Variants in STAT3 observed in about 807,000 individuals in gnomAD.
STAT3 encodes the protein DNA-binding protein APRF.
STAT3 carries 7 observed loss-of-function variants against 114.3 expected under a neutral mutation model. That is an observed-to-expected ratio of 0.06 (90% CI 0.03 to 0.11). The LOEUF (loss-of-function observed/expected upper bound fraction) is 0.11, where lower values mean the gene tolerates loss of function less well. Among genes scored for constraint, STAT3 ranks in the 10% least tolerant of loss-of-function variants. STAT3 has a pLI of 1.00. For synonymous variants in STAT3, 331 were observed against 354.5 expected (o/e 0.93, Z 0.74); for missense variants, 364 against 960.9 (o/e 0.38, Z 8.21).
At chr17:42,348,615 C>G in intron 1 of STAT3, 76 bp from the exon 2 acceptor site, 1 of 1,553,610 alleles carries the variant, frequency 6.4e-7, no homozygotes, top group Non-Finnish European at 8.8e-7. Flanking sequence ...CATTGCCCAA[C>G]ACAGGTGTCA....
intron 5 of STAT3, 113 bp downstream of exon 5, chr17:42,339,201 A>G (rs1598426076): frequency 3.0e-6 from 3 of 1,008,912 alleles, no homozygotes. Context: ...GGCTGCAGTG[A>G]GCTGTGATCA....
rs751111808 is a variant in STAT3 at position 42,333,365 on chromosome 17, G to C, written c.1049+308C>G. Among the ~76,000 whole-genome samples, 4 of 152,202 alleles carry C rather than the reference G, an allele frequency of 2.6e-5. No individual in the cohort carries two copies. The highest frequency in any genetic ancestry group is 6.5e-5 in the Admixed American group (1 of 15,270). ...CCCTTAAAATCCACAGGGAAGAGTA[G>C]CCTCAAAGAACAGAAAATAGATGAC... is the stretch of plus-strand genomic sequence containing the variant. On this transcript the variant is annotated intron_variant, in intron 10 of 23. Coordinates refer to ENST00000264657, the MANE Select transcript of STAT3 (RefSeq NM_139276.3). The surrounding 1 kb of genome is among the most constrained non-coding windows in gnomAD (Gnocchi z 5.2).
At chr17:42,356,552 T>A (rs1259146964) in intron 1 of STAT3, among the ~76,000 whole-genome samples, 2 of 150,142 alleles carry the variant, frequency 1.3e-5, no homozygotes, top group Admixed American at 1.3e-4. Flanking sequence ...TTTTTTTTTT[T>A]ACATTGGAGT....
chr17:42,340,778 G>T (rs1176210372), intron 4 of STAT3, among the ~76,000 whole-genome samples: 1 of 152,178 alleles, frequency 6.6e-6, no homozygotes, highest in Non-Finnish European at 1.5e-5. Context: ...AAGATGGAGA[G>T]AAAGACTCTG....
intron 13 of STAT3, 42 bp downstream of exon 13, chr17:42,329,512 G>A (rs1016479528): frequency 1.5e-5 from 25 of 1,613,916 alleles, no homozygotes; most frequent in African/African-American, 4.0e-5. Context: ...GCCCTCTCCG[G>A]CAGCCAGAGG....
chr17:42,329,443 C>T lies in STAT3; in HGVS notation c.1248G>A (p.Gln416=), dbSNP rs2144767360. Residue 416 remains glutamine (Q), a synonymous_variant, in exon 14 of 24, where the codon CAG becomes CAA. Coordinates refer to ENST00000264657, the MANE Select transcript of STAT3 (RefSeq NM_139276.3). ...AEFKHLTLRE[Q]RCGNGGRANC... ...TGGCTCGGCCCCCATTCCCACATCT[C>T]TGCTCCCTCAGGGTCTGTAAGAAAA... The T allele has an allele frequency of 1.2e-6, 2 of 1,614,240 alleles. No individual in the cohort carries two copies. Among genetic ancestry groups the T allele is most frequent in the South Asian group, 2.2e-5 (2 of 91,084 alleles).
intron 14 of STAT3, among the ~76,000 whole-genome samples, chr17:42,326,405 G>A (rs533703029): frequency 2.0e-4 from 31 of 152,292 alleles, no homozygotes; most frequent in African/African-American, 7.5e-4. Flanking sequence ...CTACTCGAGA[G>A]GCTGAGGTGG....
intron 21 of STAT3, among the ~76,000 whole-genome samples, chr17:42,320,079 G>A (rs542253682): frequency 2.0e-5 from 3 of 152,302 alleles, no homozygotes; most frequent in South Asian, 4.1e-4. Context: ...AGGACCAGCC[G>A]TGGGACCCCA....
chr17:42,368,032 A>G (rs1360811309), intron 1 of STAT3, among the ~76,000 whole-genome samples: 2 of 152,174 alleles, frequency 1.3e-5, no homozygotes, highest in Non-Finnish European at 2.9e-5. Context: ...CCAATAGAAG[A>G]GTTTAAATTA....
intron 1 of STAT3, among the ~76,000 whole-genome samples, chr17:42,381,488 G>A (rs1259948161): frequency 6.6e-6 from 1 of 152,112 alleles, no homozygotes; most frequent in African/African-American, 2.4e-5. Context: ...CACTTTGGGA[G>A]GCCGAGGCAG....
intron 1 of STAT3, among the ~76,000 whole-genome samples, chr17:42,381,748 A>G (rs187666282): frequency 0.02 from 3,080 of 151,338 alleles, 56 homozygotes; most frequent in South Asian, 0.044. Context: ...AAAAAAAAAA[A>G]GGAATTTGGA....
At chr17:42,385,679 A>G (rs952921716) in intron 1 of STAT3, among the ~76,000 whole-genome samples, 1 of 152,216 alleles carries the variant, frequency 6.6e-6, no homozygotes, top group Non-Finnish European at 1.5e-5. Context: ...GCAACTTTCT[A>G]GAGACAGAAA....
At chr17:42,382,144 T>C (rs942192467) in intron 1 of STAT3, among the ~76,000 whole-genome samples, 6 of 152,292 alleles carry the variant, frequency 3.9e-5, no homozygotes, top group South Asian at 2.1e-4. Flanking sequence ...CTATTCATCC[T>C]ATAAAACCCT....
rs967484458 is a variant in STAT3, at chr17:42,326,126, A to G, written c.1355T>C (p.Ile452Thr). The G allele has an allele frequency of 3.1e-6, 5 of 1,613,890 alleles. No individual in the cohort carries two copies. The highest frequency in any genetic ancestry group is 4.2e-6 in the Non-Finnish European group (5 of 1,179,924). ...TGCTGCAGAACTTACCTCTAGGTCA[A>G]TCTTGAGGCCTTGGTGATACACCTC... ...ETEVYHQGLKIDLETHSLPVV... is the reference protein window; with the variant it reads ...ETEVYHQGLKTDLETHSLPVV... The change falls in exon 15 of 24, where the codon ATT (isoleucine) becomes ACT (threonine). Residue 452 changes from isoleucine to threonine, a missense_variant. Coordinates refer to ENST00000264657, the MANE Select transcript of STAT3 (RefSeq NM_139276.3).
At chr17:42,330,491 T>C (rs899577349) in intron 11 of STAT3, among the ~76,000 whole-genome samples, 3 of 149,354 alleles carry the variant, frequency 2.0e-5, no homozygotes, top group South Asian at 4.2e-4. Context: ...TGCAGTGGTG[T>C]GATCTTGGCT....
chr17:42,317,009 C>G, intron 22 of STAT3, 108 bp from the exon 23 acceptor site: 1 of 1,559,814 alleles, frequency 6.4e-7, no homozygotes. Flanking sequence ...ACTCTGGTCT[C>G]CAACAGAAAA....
intron 21 of STAT3, among the ~76,000 whole-genome samples, chr17:42,321,480 C>A (rs553929369): frequency 1.3e-5 from 2 of 152,060 alleles, no homozygotes; most frequent in African/African-American, 2.4e-5. Flanking sequence ...TAAAATATAC[C>A]TTATTTTCAA....
chr17:42,317,141 T>C lies in STAT3; in HGVS notation c.2144+41A>G, dbSNP rs746253684. Reference sequence around the variant, plus strand: ...TCCCATTCCCAGGGATAACTGAGGATATTAGAAATGAAGGCAAAACGGGGA... The same window carrying C: ...TCCCATTCCCAGGGATAACTGAGGACATTAGAAATGAAGGCAAAACGGGGA... On this transcript the variant is annotated intron_variant, in intron 22 of 23. Coordinates refer to ENST00000264657, the MANE Select transcript of STAT3 (RefSeq NM_139276.3). The C allele has an allele frequency of 2.5e-6, 4 of 1,613,548 alleles. No homozygotes were observed. The African/African-American group carries it at 5.3e-5, about 22-fold the overall frequency.
At chr17:42,360,916 G>T (rs1254251411) in intron 1 of STAT3, among the ~76,000 whole-genome samples, 5 of 152,152 alleles carry the variant, frequency 3.3e-5, no homozygotes, top group African/African-American at 1.2e-4. Flanking sequence ...TCAGCAAGAA[G>T]ATGCAGGCAA....
Sources: gnomAD v4.1 joint callset for allele counts (sites outside exome capture counted in the v4.1 genomes callset) on GRCh38, gnomAD v4.1.1 for gene constraint, Gnocchi (gnomAD v3.1) non-coding constraint, MANE v1.5 for transcripts, NCBI Gene and HGNC (gene_info 2026-07-23, HGNC 2026-07-21) for gene names.